The following GMNC variants were observed in gnomAD, a reference collection of about 807,000 sequenced individuals.
GMNC encodes the protein geminin coiled-coil domain containing.
In GMNC, 16 loss-of-function variants were observed where a neutral mutation model predicts 33.6. That is an observed-to-expected ratio of 0.48 (90% confidence interval 0.32 to 0.72). The LOEUF (loss-of-function observed/expected upper bound fraction) is 0.72. GMNC is among the 30% of genes least tolerant of loss of function. GMNC has a pLI of 0.03. For missense variants in GMNC, 393 were observed against 388.9 expected (o/e 1.01, Z -0.09); for synonymous variants, 156 against 147.3 (o/e 1.06, Z -0.43).
Position 190,858,973 on chromosome 3 carries a change from T to C in GMNC, c.222A>G (p.Ser74=), listed in dbSNP as rs1284379756. 9 of 1,550,476 alleles carry C rather than the reference T, an allele frequency of 5.8e-6. No homozygotes were observed. The Admixed American group carries it at 9.8e-5, about 17-fold the overall frequency. ...DSNFPLPDLC[S]WEEAQLSSQL... Reference sequence around the variant, plus strand: ...GAGAGGAAAGCTGAGCCTCTTCCCATGAGCACAAGTCCGGAAGAGGAAAAT... The same window carrying C: ...GAGAGGAAAGCTGAGCCTCTTCCCACGAGCACAAGTCCGGAAGAGGAAAAT... Residue 74 remains serine, a synonymous_variant, in exon 3 of 5, where the codon TCA becomes TCG. Coordinates refer to ENST00000442080, the MANE Select transcript of GMNC (RefSeq NM_001146686.3).
rs1737896214 is a variant in GMNC at position 190,862,559 on chromosome 3, C to T, written c.3+54G>A. 1.5e-6 allele frequency: 2 copies of T among 1,354,432 alleles called. No homozygotes were observed. Among genetic ancestry groups the T allele is most frequent in the South Asian group, 1.2e-5 (1 of 80,016 alleles). 83.9% of individuals were successfully genotyped at this position (1,354,432 alleles called of 1,614,324 possible). ...AAATTCTAAATGCAAAGCTTATTAA[C>T]TTTCAGAGACCCAAGTTTGCCAGCG... is the stretch of plus-strand genomic sequence containing the variant. On this transcript the variant is annotated intron_variant, in intron 1 of 4. Transcript: ENST00000442080. The surrounding 1 kb of genome is among the most constrained non-coding windows in gnomAD (Gnocchi z 4.5).
chr3:190,843,342 A>G, the GMNC span, among the ~76,000 whole-genome samples: 2 of 152,154 alleles, frequency 1.3e-5, no homozygotes, highest in Admixed American at 1.3e-4. Context: ...TGAACACAGT[A>G]TTACAGATAT....
At chr3:190,848,956 A>C (rs1737591860), downstream of GMNC, among the ~76,000 whole-genome samples, 1 of 152,152 alleles carries the variant, frequency 6.6e-6, no homozygotes, top group Non-Finnish European at 1.5e-5. Context: ...AATAAATTCT[A>C]ATAATTACTA....
At chr3:190,843,366 C>T in the GMNC span, among the ~76,000 whole-genome samples, 3 of 152,158 alleles carry the variant, frequency 2.0e-5, no homozygotes, top group Non-Finnish European at 4.4e-5. Context: ...ATAATAGTCA[C>T]ATTTCATAGA....
chr3:190,845,508 C>CTTTTTTTTTTTTT, the GMNC span, among the ~76,000 whole-genome samples: 4 of 125,830 alleles, frequency 3.2e-5, no homozygotes, highest in African/African-American at 9.4e-5. Flanking sequence ...ATTTTGAAAC[C>CTTTTTTTTTTTTT]TTTTTTTTTT....
Position 190,862,205 on chromosome 3 carries a change from G to A in GMNC, c.3+408C>T, listed in dbSNP as rs1737884996. Reference sequence around the variant, plus strand: ...ATCAGAGCTAAGCTATTATGCAATTGATACCTGAGAAGAAAACAAACTTCA... The same window carrying A: ...ATCAGAGCTAAGCTATTATGCAATTAATACCTGAGAAGAAAACAAACTTCA... On this transcript the variant is annotated intron_variant, in intron 1 of 4. Coordinates refer to ENST00000442080, the MANE Select transcript of GMNC (RefSeq NM_001146686.3). The surrounding 1 kb of genome is among the most constrained non-coding windows in gnomAD (Gnocchi z 4.5). 6.6e-6 allele frequency among the ~76,000 whole-genome samples: 1 copy of A among 152,010 alleles called. No homozygotes were observed. Among genetic ancestry groups the A allele is most frequent in the Admixed American group, 6.5e-5 (1 of 15,268 alleles).
At position 190,855,070 on chromosome 3, in the gene GMNC, G is replaced by A; in HGVS notation, c.*225C>T. On this transcript the variant is annotated 3_prime_UTR_variant, in exon 5 of 5. Coordinates refer to ENST00000442080, the MANE Select transcript of GMNC (RefSeq NM_001146686.3). ...GAGAGGATGTCAATAGCAGGTATTGGTGTGTAAACAAGTCAAATTTAGGTA... is the reference window on the plus strand; with the variant it reads ...GAGAGGATGTCAATAGCAGGTATTGATGTGTAAACAAGTCAAATTTAGGTA... The A allele has an allele frequency of 1.8e-6, 1 of 545,286 alleles. No individual in the cohort carries two copies. Among genetic ancestry groups the A allele is most frequent in the Admixed American group, 3.1e-5 (1 of 32,316 alleles). 33.8% of individuals were successfully genotyped at this position (545,286 alleles called of 1,614,324 possible). A position where few individuals can be genotyped will look rare whatever the true frequency, so the allele number is the denominator to read the frequency against.
rs757561341 is a variant in GMNC, at chr3:190,860,766, G to A, written c.96C>T (p.Asp32=). ...AAGAGACCCAAGTCTCCGTGGAAAC[G>A]TCAACACTAGATTCTGACGTTGTAG... ...YSTTTSESSV[D]VSTETWVSFW... Residue 32 remains aspartate (D), a synonymous_variant, in exon 2 of 5, where the codon GAC becomes GAT. Transcript: ENST00000442080. 4.5e-6 allele frequency: 7 copies of A among 1,551,352 alleles called. No individual in the cohort carries two copies. Among genetic ancestry groups the A allele is most frequent in the East Asian group, 2.4e-5 (1 of 40,910 alleles).
downstream of GMNC, among the ~76,000 whole-genome samples, chr3:190,849,356 T>C (rs1560034472): frequency 8.8e-6 from 1 of 113,986 alleles, no homozygotes; most frequent in Non-Finnish European, 1.6e-5. Context: ...CACCCAAGAC[T>C]CCCTGTGGGC....
At position 190,862,665 on chromosome 3, in the gene GMNC, G is replaced by A. The variant is rs747504971; in HGVS notation, c.-50C>T. 2 of 1,551,904 alleles carry A rather than the reference G, an allele frequency of 1.3e-6. No homozygotes were observed. The highest frequency in any genetic ancestry group is 2.4e-5 in the South Asian group (2 of 84,054). ...GAAACTGAGCCCACTCAATTTTTCA[G>A]TAAAACCAGTGGGAGCTTTAAATGA... On this transcript the variant is annotated 5_prime_UTR_variant, in exon 1 of 5. Transcript: ENST00000442080. The surrounding 1 kb of genome is among the most constrained non-coding windows in gnomAD (Gnocchi z 4.5).
rs1737870334 is a variant in GMNC at position 190,861,502 on chromosome 3, CTATCT to C, written c.4-649_4-645del. 6.6e-6 allele frequency among the ~76,000 whole-genome samples: 1 copy of C among 151,126 alleles called. No individual in the cohort carries two copies. Among genetic ancestry groups the C allele is most frequent in the Non-Finnish European group, 1.5e-5 (1 of 67,780 alleles). On this transcript the variant is annotated intron_variant, in intron 1 of 4. Coordinates refer to ENST00000442080, the MANE Select transcript of GMNC (RefSeq NM_001146686.3). This position sits in a 1 kb window ranked among gnomAD's most constrained non-coding sequence, Gnocchi z 5.1. ...TCTATCTATCTATCTATCTATCTATCTATCTATCTCTGTCCCAGAGATAATTAAAA... is the reference window on the plus strand; with the variant it reads ...TCTATCTATCTATCTATCTATCTATCATCTCTGTCCCAGAGATAATTAAAA...
At chr3:190,859,785 T>C (rs867349307) in intron 2 of GMNC, 3 of 454,212 alleles carry the variant, frequency 6.6e-6, no homozygotes, top group South Asian at 1.6e-5. Context: ...TAGTACAGTT[T>C]AGACTCTTGT....
the GMNC span, among the ~76,000 whole-genome samples, chr3:190,843,738 G>C: frequency 6.6e-6 from 1 of 152,182 alleles, no homozygotes; most frequent in South Asian, 2.1e-4. Flanking sequence ...GACACTGACT[G>C]CTTTTTTGCT....
downstream of GMNC, among the ~76,000 whole-genome samples, chr3:190,847,794 A>T (rs139920603): frequency 0.01 from 1,580 of 152,284 alleles, 26 homozygotes; most frequent in African/African-American, 0.037. Context: ...GGGTTAGGAT[A>T]GGCTCTTTTC....
the GMNC span, among the ~76,000 whole-genome samples, chr3:190,844,886 T>C: frequency 6.6e-6 from 1 of 152,324 alleles, no homozygotes; most frequent in Non-Finnish European, 1.5e-5. Context: ...GAGGGATTGA[T>C]AAATTAGCTT....
downstream of GMNC, among the ~76,000 whole-genome samples, chr3:190,850,670 T>G (rs940689392): frequency 2.6e-5 from 4 of 152,330 alleles, no homozygotes; most frequent in Admixed American, 2.6e-4. Flanking sequence ...CTTCTGTGTG[T>G]CCGCGAGCCT....
chr3:190,861,953 TAAG>T lies in GMNC; in HGVS notation c.3+657_3+659del, dbSNP rs1266606645. On this transcript the variant is annotated intron_variant, in intron 1 of 4. Transcript: ENST00000442080. The surrounding 1 kb of genome is among the most constrained non-coding windows in gnomAD (Gnocchi z 5.1). ...TTAACATAAACAGAGAGAAAACAAA[TAAG>T]AAGAAAAAAGAGAAAAAAAAGTTAA... is the stretch of plus-strand genomic sequence containing the variant. Among the ~76,000 whole-genome samples, 16 of 151,652 alleles carry T rather than the reference TAAG, an allele frequency of 1.1e-4. No homozygotes were observed. Among genetic ancestry groups the T allele is most frequent in the Non-Finnish European group, 2.2e-4 (15 of 67,912 alleles).
downstream of GMNC, among the ~76,000 whole-genome samples, chr3:190,848,441 G>T (rs1441644611): frequency 6.6e-6 from 1 of 152,086 alleles, no homozygotes; most frequent in African/African-American, 2.4e-5. Flanking sequence ...TGCCTTCAAT[G>T]AATCCTTTCC....
Position 190,853,108 on chromosome 3 carries a change from ACATTTTACATGGTTTTGTATAC to A in GMNC, c.*2165_*2186del, listed in dbSNP as rs535937039. 1.3e-3 allele frequency: 199 copies of A among 152,276 alleles called. 2 individuals are homozygous for A. The highest frequency in any genetic ancestry group is 2.2e-4 in the Non-Finnish European group (15 of 67,986). The allele number at this position is 152,276 out of a possible 1,614,324, so 9.4% of individuals were successfully genotyped here. On this transcript the variant is annotated 3_prime_UTR_variant, in exon 5 of 5. Transcript: ENST00000442080. ...CATTTAAAAGCTATCAAAAGCTATG[ACATTTTACATGGTTTTGTATAC>A]CAAATGCATTGTGCTAAGCCTGGGT... is the stretch of plus-strand genomic sequence containing the variant.
Sources: allele counts gnomAD v4.1 joint callset (sites outside exome capture counted in the v4.1 genomes callset), GRCh38; gene constraint gnomAD v4.1.1; non-coding constraint Gnocchi (gnomAD v3.1); transcripts MANE v1.5; gene names NCBI Gene and HGNC (gene_info 2026-07-23, HGNC 2026-07-21).